The following LRP1 variants were observed in gnomAD, a reference collection of about 807,000 sequenced individuals.
The protein encoded by LRP1 is prolow-density lipoprotein receptor-related protein 1.
A neutral mutation model predicts 541.5 loss-of-function variants in LRP1; 51 were observed. The ratio of observed to expected loss-of-function variants is 0.09; its 90% CI spans 0.08 to 0.12. LRP1 has a LOEUF of 0.12. LRP1 is among the 10% of genes least tolerant of loss of function. The pLI is 1.00. For missense variants in LRP1, 3,878 were observed against 6,376.2 expected, an observed-to-expected ratio of 0.61 and a Z score of 13.34; for synonymous variants, 2,219 against 2,470.8, an observed-to-expected ratio of 0.90 and a Z score of 3.02.
rs1419995108 is a variant in LRP1 at position 57,204,262 on chromosome 12, C to G, written c.10952-148C>G. On this transcript the variant is annotated intron_variant, in intron 70 of 88. Transcript: ENST00000243077. This position sits in a 1 kb window ranked among gnomAD's most constrained non-coding sequence, Gnocchi z 5.3. Reference sequence around the variant, plus strand: ...TACCAGAGGGGGCAGTTTGGCCCCACCAAGTAGAAATTTAAGAGACCTGGT... The same window carrying G: ...TACCAGAGGGGGCAGTTTGGCCCCAGCAAGTAGAAATTTAAGAGACCTGGT... 12 of 975,622 alleles carry G rather than the reference C, an allele frequency of 1.2e-5. No individual in the cohort carries two copies. Among genetic ancestry groups the G allele is most frequent in the Non-Finnish European group, 1.7e-5 (12 of 693,510 alleles). The allele number at this position is 975,622 out of a possible 1,614,324, so 60.4% of individuals were successfully genotyped here. A position where few individuals can be genotyped will look rare whatever the true frequency, so the allele number is the denominator to read the frequency against.
In LRP1 at chr12:57,145,387, T is replaced by A. The variant is rs1458851914; in HGVS notation, c.738T>A (p.His246Gln). The A allele has an allele frequency of 6.2e-7, 1 of 1,613,970 alleles. No homozygotes were observed. The highest frequency in any genetic ancestry group is 8.5e-7 in the Non-Finnish European group (1 of 1,180,022). ...SYANETVCWV[H>Q]VGDSAAQTQL... Reference sequence around the variant, plus strand: ...CCAACGAGACCGTATGCTGGGTGCATGTTGGGGACAGTGCTGCTCAGACGC... The same window carrying A: ...CCAACGAGACCGTATGCTGGGTGCAAGTTGGGGACAGTGCTGCTCAGACGC... Residue 246 changes from histidine (H) to glutamine (Q), a missense_variant, in exon 6 of 89, where the codon CAT (histidine) becomes CAA (glutamine). His to Gln is a conservative substitution (Grantham distance 24). Transcript: ENST00000243077.
rs2036914153 is a variant in LRP1 at position 57,211,462 on chromosome 12, C to T, written c.13092-25C>T. On this transcript the variant is annotated intron_variant, in intron 84 of 88. Coordinates refer to ENST00000243077, the MANE Select transcript of LRP1 (RefSeq NM_002332.3). The surrounding 1 kb of genome is among the most constrained non-coding windows in gnomAD (Gnocchi z 4.3). The stretch of plus-strand genomic sequence containing the variant: ...CAGGCACGCCTCTGCCAGCCCCAGC[C>T]CCAGCCTCTGATTCCTTCCTGCAGC... 2 of 1,612,494 alleles carry T rather than the reference C, an allele frequency of 1.2e-6. No homozygotes were observed. The highest frequency in any genetic ancestry group is 1.7e-6 in the Non-Finnish European group (2 of 1,179,562).
At position 57,212,570 on chromosome 12, in the gene LRP1, G is replaced by A. The variant is rs564301873; in HGVS notation, c.*15G>A. ...CCTTGGCATAGGGCCCTGCCCCGTC[G>A]GACTGCCCCCAGAAAGCCTCCTGCC... On this transcript the variant is annotated 3_prime_UTR_variant, in exon 89 of 89. Coordinates refer to ENST00000243077, the MANE Select transcript of LRP1 (RefSeq NM_002332.3). The surrounding 1 kb of genome is among the most constrained non-coding windows in gnomAD (Gnocchi z 5.0). 2.4e-5 allele frequency: 37 copies of A among 1,563,722 alleles called. No homozygotes were observed. The highest frequency in any genetic ancestry group is 1.8e-4 in the South Asian group (15 of 82,364).
In LRP1 at chr12:57,154,198, T is replaced by C; in HGVS notation, c.842-10T>C. ...CCCCACCCCATGGCTCTTTCATTCG[T>C]ACTCTCCAGACGTGGAACAGATGGC... is the stretch of plus-strand genomic sequence containing the variant. On this transcript the variant is annotated splice_polypyrimidine_tract_variant and intron_variant, in intron 6 of 88. Coordinates refer to ENST00000243077, the MANE Select transcript of LRP1 (RefSeq NM_002332.3). The surrounding 1 kb of genome is among the most constrained non-coding windows in gnomAD (Gnocchi z 4.6). 1 of 1,608,872 alleles carries C rather than the reference T, an allele frequency of 6.2e-7. No individual in the cohort carries two copies. Among genetic ancestry groups the C allele is most frequent in the Non-Finnish European group, 8.5e-7 (1 of 1,175,688 alleles).
Position 57,154,301 on chromosome 12 carries a change from A to T in LRP1, c.935A>T (p.Asp312Val), listed in dbSNP as rs1304371878. 1 of 1,614,210 alleles carries T rather than the reference A, an allele frequency of 6.2e-7. No homozygotes were observed. Among genetic ancestry groups the T allele is most frequent in the Non-Finnish European group, 8.5e-7 (1 of 1,180,016 alleles). Reference sequence around the variant, plus strand: ...ATCTTTGTCTGCAACAGAAATGGGGACACATGTGTCACATTGCTAGACCTG... The same window carrying T: ...ATCTTTGTCTGCAACAGAAATGGGGTCACATGTGTCACATTGCTAGACCTG... ...DRIFVCNRNGDTCVTLLDLEL... is the reference protein window; with the variant it reads ...DRIFVCNRNGVTCVTLLDLEL... Residue 312 changes from aspartate (D) to valine (V), a missense_variant, in exon 7 of 89, where the codon GAC becomes GTC. Asp to Val is a radical substitution (Grantham distance 152). Transcript: ENST00000243077. This position sits in a 1 kb window ranked among gnomAD's most constrained non-coding sequence, Gnocchi z 4.6.
rs138731989 is a variant in LRP1, at chr12:57,206,406, G to A, written c.11591-67G>A. ...GAGATGGGACAGTGTTCATGTGAAAGGAGCTGAGCTGGGTGGGGTGCACAC... is the reference window on the plus strand; with the variant it reads ...GAGATGGGACAGTGTTCATGTGAAAAGAGCTGAGCTGGGTGGGGTGCACAC... On this transcript the variant is annotated intron_variant, in intron 75 of 88. Coordinates refer to ENST00000243077, the MANE Select transcript of LRP1 (RefSeq NM_002332.3). This position sits in a 1 kb window ranked among gnomAD's most constrained non-coding sequence, Gnocchi z 4.7. 12 of 1,510,368 alleles carry A rather than the reference G, an allele frequency of 7.9e-6. No homozygotes were observed. The highest frequency in any genetic ancestry group is 1.7e-5 in the Admixed American group (1 of 58,848). The allele number at this position is 1,510,368 out of a possible 1,614,324, so 93.6% of individuals were successfully genotyped here.
Position 57,181,191 on chromosome 12 carries a change from C to A in LRP1, c.5562C>A (p.Asn1854Lys). The A allele has an allele frequency of 6.2e-7, 1 of 1,613,820 alleles. No homozygotes were observed. The highest frequency in any genetic ancestry group is 8.5e-7 in the Non-Finnish European group (1 of 1,180,008). Reference protein sequence around the residue: ...HKGTNPCSVNNGDCSQLCLPT... With the variant: ...HKGTNPCSVNKGDCSQLCLPT... ...GCACCAACCCCTGCAGTGTCAACAA[C>A]GGTGACTGCTCCCAGCTCTGCCTGC... The change falls in exon 34 of 89, where the codon AAC becomes AAA. Residue 1854 changes from asparagine (N) to lysine (K), a missense_variant. Physicochemically the swap from Asn to Lys is moderately conservative, Grantham distance 94. This residue lies in a region of LRP1 where 394 missense variants were observed against 635.9 expected (regional missense o/e 0.62). Coordinates refer to ENST00000243077, the MANE Select transcript of LRP1 (RefSeq NM_002332.3).
chr12:57,148,755 C>A (rs2035466129), intron 6 of LRP1, among the ~76,000 whole-genome samples: 1 of 152,168 alleles, frequency 6.6e-6, no homozygotes, highest in Non-Finnish European at 1.5e-5. Flanking sequence ...GCTGAAGTCA[C>A]TCAGGAGTTT....
intron 77 of LRP1, 167 bp downstream of exon 77, chr12:57,208,383 A>G: frequency 1.4e-6 from 1 of 734,264 alleles, no homozygotes; most frequent in Non-Finnish European, 2.2e-6. Context: ...GGCCCTCCCC[A>G]TGCTGCCTCT....
rs2036229403 is a variant in LRP1, at chr12:57,184,488, G to C, written c.6186+36G>C. On this transcript the variant is annotated intron_variant, in intron 38 of 88. Transcript: ENST00000243077. The surrounding 1 kb of genome is among the most constrained non-coding windows in gnomAD (Gnocchi z 7.8). Reference sequence around the variant, plus strand: ...CAACTTGGCCTTGGATCCGATGGTAGACCCCTGACCCAGGCTCCTGTTCCC... The same window carrying C: ...CAACTTGGCCTTGGATCCGATGGTACACCCCTGACCCAGGCTCCTGTTCCC... 1 of 1,613,166 alleles carries C rather than the reference G, an allele frequency of 6.2e-7. No individual in the cohort carries two copies. The highest frequency in any genetic ancestry group is 8.5e-7 in the Non-Finnish European group (1 of 1,179,664).
intron 34 of LRP1, among the ~76,000 whole-genome samples, chr12:57,182,463 A>G (rs1316653636): frequency 6.6e-6 from 1 of 150,640 alleles, no homozygotes; most frequent in Non-Finnish European, 1.5e-5. Flanking sequence ...CAGTGGGCCA[A>G]TATTGTGCCA....
rs771286366 is a variant in LRP1, at chr12:57,175,629, G to A, written c.3717G>A (p.Gln1239=). ...KHLKCSQKCD[Q]NKFSVKCSCY... is the part of the protein sequence containing the mutation. ...TCAAATGCAGCCAAAAGTGCGACCA[G>A]AACAAGTTCAGCGTGAAGTGCTCCT... is the stretch of plus-strand genomic sequence containing the variant. Residue 1239 remains glutamine, a synonymous_variant, in exon 23 of 89, where the codon CAG becomes CAA. Coordinates refer to ENST00000243077, the MANE Select transcript of LRP1 (RefSeq NM_002332.3). 1.2e-5 allele frequency: 19 copies of A among 1,611,636 alleles called. 1 individual carries two copies. In the South Asian group the frequency reaches 2.0e-4, roughly 17 times the overall value.
At chr12:57,138,724 C>A in intron 2 of LRP1, 143 bp downstream of exon 2, 1 of 1,165,314 alleles carries the variant, frequency 8.6e-7, no homozygotes, top group Non-Finnish European at 1.2e-6. Context: ...ACAGCTAAAA[C>A]TGTCCTTTAC....
At chr12:57,146,149 G>A (rs1184698839) in intron 6 of LRP1, among the ~76,000 whole-genome samples, 7 of 152,138 alleles carry the variant, frequency 4.6e-5, no homozygotes, top group Admixed American at 1.3e-4. Context: ...AAAGGGGCAC[G>A]AGCATAGCTG....
In LRP1 at chr12:57,185,986, G is replaced by C; in HGVS notation, c.6841+78G>C. 6.8e-6 allele frequency: 10 copies of C among 1,479,524 alleles called. No homozygotes were observed. The South Asian group carries it at 1.3e-4, about 20-fold the overall frequency. The allele number at this position is 1,479,524 out of a possible 1,614,324, so 91.6% of individuals were successfully genotyped here. A position where few individuals can be genotyped will look rare whatever the true frequency, so the allele number is the denominator to read the frequency against. On this transcript the variant is annotated intron_variant, in intron 41 of 88. Coordinates refer to ENST00000243077, the MANE Select transcript of LRP1 (RefSeq NM_002332.3). The surrounding 1 kb of genome is among the most constrained non-coding windows in gnomAD (Gnocchi z 4.9). The stretch of plus-strand genomic sequence containing the variant: ...GCACAGACTCTTAGACCCCAGCCAG[G>C]CACTCTACCCTAGGTCTGAATCCCA...
At chr12:57,200,389 T>G in intron 62 of LRP1, 53 bp from the exon 63 acceptor site, 2 of 1,094,538 alleles carry the variant, frequency 1.8e-6, no homozygotes, top group South Asian at 1.3e-5. Flanking sequence ...AAAGAAAGAC[T>G]TCTGAGTCCC....
At position 57,208,671 on chromosome 12, in the gene LRP1, C is replaced by G. The variant is rs763941507; in HGVS notation, c.12039-40C>G. On this transcript the variant is annotated intron_variant, in intron 77 of 88. Transcript: ENST00000243077. ...TCCTGCCTGGGCCTGCCTCCTCTGG[C>G]CCTCCGGCCTGCCCACACTCACCCC... 9 of 1,359,074 alleles carry G rather than the reference C, an allele frequency of 6.6e-6. No homozygotes were observed. In the African/African-American group the frequency reaches 1.3e-4, roughly 20 times the overall value. The allele number at this position is 1,359,074 out of a possible 1,614,324, so 84.2% of individuals were successfully genotyped here.
Position 57,183,810 on chromosome 12 carries a change from A to G in LRP1, c.5830A>G (p.Ser1944Gly). The change falls in exon 36 of 89, where the codon AGC becomes GGC. Residue 1944 changes from serine (S) to glycine (G), a missense_variant. Ser to Gly is a moderately conservative substitution (Grantham distance 56, BLOSUM62 0). Transcript: ENST00000243077. The surrounding 1 kb of genome is among the most constrained non-coding windows in gnomAD (Gnocchi z 6.1). ...DTIYWVDMGL[S>G]TISRAKRDQT... The stretch of plus-strand genomic sequence containing the variant: ...CATCTACTGGGTGGACATGGGCCTG[A>G]GCACGATCAGCCGGGCCAAGCGGGA... 6.2e-7 allele frequency: 1 copy of G among 1,614,098 alleles called. No homozygotes were observed. Among genetic ancestry groups the G allele is most frequent in the Non-Finnish European group, 8.5e-7 (1 of 1,180,034 alleles).
intron 34 of LRP1, among the ~76,000 whole-genome samples, chr12:57,182,284 G>T (rs2036180699): frequency 6.6e-6 from 1 of 152,154 alleles, no homozygotes; most frequent in Non-Finnish European, 1.5e-5. Context: ...GCTGAGGCCG[G>T]CCGATCACTT....
Sources: allele counts gnomAD v4.1 joint callset (sites outside exome capture counted in the v4.1 genomes callset), GRCh38; gene constraint gnomAD v4.1.1; regional missense constraint gnomAD v4.1.1; non-coding constraint Gnocchi (gnomAD v3.1); transcripts MANE v1.5; gene names NCBI Gene and HGNC (gene_info 2026-07-23, HGNC 2026-07-21).